The following WASHC4 variants were observed in gnomAD, a reference collection of about 807,000 sequenced individuals.
The protein encoded by WASHC4 is WASH complex subunit 4.
A neutral mutation model predicts 166.6 loss-of-function variants in WASHC4; 86 were observed. The ratio of observed to expected loss-of-function variants is 0.52; its 90% CI spans 0.43 to 0.62. WASHC4 has a LOEUF of 0.62. Ranked by LOEUF, WASHC4 falls within the 20% of genes least tolerant of loss-of-function variation. WASHC4 has a pLI of 0.00. For missense variants in WASHC4, 1,262 were observed against 1,382.4 expected (o/e 0.91, Z 1.38); for synonymous variants, 446 against 451.6 (o/e 0.99, Z 0.16).
At chr12:105,111,887 T>G (rs559485068) in intron 2 of WASHC4, among the ~76,000 whole-genome samples, 327 of 151,832 alleles carry the variant, frequency 2.2e-3, no homozygotes, top group Non-Finnish European at 2.0e-3. Context: ...ATAACAGCTT[T>G]CTTGAGATAT....
chr12:105,142,307 CTT>C, intron 18 of WASHC4, 144 bp from the exon 19 acceptor site: 1 of 624,472 alleles, frequency 1.6e-6, no homozygotes, highest in Admixed American at 2.5e-5. Flanking sequence ...TCTTTTGTGA[CTT>C]TTCTATACTA....
chr12:105,163,253 C>T (rs1056428312), intron 30 of WASHC4, among the ~76,000 whole-genome samples: 7 of 152,206 alleles, frequency 4.6e-5, no homozygotes, highest in South Asian at 2.1e-4. Context: ...CCACCATGCC[C>T]GGCCTATAGA....
chr12:105,167,052 AC>A lies in WASHC4; in HGVS notation c.*122del. On this transcript the variant is annotated 3_prime_UTR_variant, in exon 33 of 33. Transcript: ENST00000332180. ...GTCACATCTCTGGAAAATAGATGTT[AC>A]AGTTCTTAAAGGCAGTGCTTTAAAG... The A allele has an allele frequency of 1.4e-6, 1 of 740,486 alleles. No homozygotes were observed. The highest frequency in any genetic ancestry group is 2.4e-6 in the Non-Finnish European group (1 of 412,604). The allele number at this position is 740,486 out of a possible 1,614,324, so 45.9% of individuals were successfully genotyped here.
chr12:105,165,567 C>T (rs1262740700), intron 32 of WASHC4, among the ~76,000 whole-genome samples: 1 of 152,116 alleles, frequency 6.6e-6, no homozygotes, highest in Non-Finnish European at 1.5e-5. Flanking sequence ...ACTCGTGCTT[C>T]ATGAAGTTTT....
chr12:105,142,681 A>G (rs933915659), intron 19 of WASHC4, 123 bp downstream of exon 19: 46 of 649,054 alleles, frequency 7.1e-5, no homozygotes, highest in African/African-American at 5.6e-4. Context: ...TGTAAACTGC[A>G]TATTCATAAA....
chr12:105,121,515 T>C (rs1880739959), intron 9 of WASHC4, among the ~76,000 whole-genome samples: 1 of 152,118 alleles, frequency 6.6e-6, no homozygotes, highest in African/African-American at 2.4e-5. Flanking sequence ...TTTTTTCTTC[T>C]TTTTCTTTGT....
chr12:105,160,086 C>G lies in WASHC4; in HGVS notation c.2998C>G (p.Pro1000Ala). Residue 1000 changes from proline to alanine, a missense_variant, in exon 29 of 33, where the codon CCA becomes GCA. By Grantham distance (27) the Pro-to-Ala change is conservative. Transcript: ENST00000332180. ...CAAAATGCTTGTAGACGTTTTTGCT[C>G]CAGAATTTCGAAGGCCAAAGAATAT... is the stretch of plus-strand genomic sequence containing the variant. ...YFKMLVDVFAPEFRRPKNIHL... is the reference protein window; with the variant it reads ...YFKMLVDVFAAEFRRPKNIHL... 6.2e-7 allele frequency: 1 copy of G among 1,613,694 alleles called. No individual in the cohort carries two copies. The highest frequency in any genetic ancestry group is 1.1e-5 in the South Asian group (1 of 91,064).
chr12:105,138,954 C>G (rs977677251), intron 15 of WASHC4, among the ~76,000 whole-genome samples: 1 of 152,134 alleles, frequency 6.6e-6, no homozygotes, highest in Non-Finnish European at 1.5e-5. Flanking sequence ...TTCCTAATTG[C>G]ATCTCAACCT....
At chr12:105,109,295 T>C (rs1169120742) in intron 1 of WASHC4, among the ~76,000 whole-genome samples, 1 of 152,166 alleles carries the variant, frequency 6.6e-6, no homozygotes, top group African/African-American at 2.4e-5. Context: ...GGAATAGAGT[T>C]ATGTTAATTG....
rs557367456 is a variant in WASHC4 at position 105,148,567 on chromosome 12, G to A, written c.2515-1048G>A. 784 of 985,306 alleles carry A rather than the reference G, an allele frequency of 8.0e-4. 2 individuals are homozygous for A. Among genetic ancestry groups the A allele is most frequent in the South Asian group, 4.8e-3 (103 of 21,284 alleles). 61.0% of individuals were successfully genotyped at this position (985,306 alleles called of 1,614,324 possible). On this transcript the variant is annotated intron_variant, in intron 24 of 32. Transcript: ENST00000332180. ...GCAGAATAGTTACCCACTATTAAGAGTGGAAAGGATTAAAAACAAAAGACT... is the reference window on the plus strand; with the variant it reads ...GCAGAATAGTTACCCACTATTAAGAATGGAAAGGATTAAAAACAAAAGACT...
At chr12:105,112,377 A>T (rs544793508) in intron 2 of WASHC4, among the ~76,000 whole-genome samples, 1 of 152,328 alleles carries the variant, frequency 6.6e-6, no homozygotes, top group Non-Finnish European at 1.5e-5. Context: ...GTAGACATAT[A>T]TAAGTATATT....
At chr12:105,161,800 G>A (rs1000685406) in intron 29 of WASHC4, among the ~76,000 whole-genome samples, 3 of 152,136 alleles carry the variant, frequency 2.0e-5, no homozygotes, top group African/African-American at 7.2e-5. Context: ...ATAGTACTTA[G>A]CACACTGTAT....
At chr12:105,152,946 AAAGT>A (rs1441090156) in intron 26 of WASHC4, among the ~76,000 whole-genome samples, 1 of 152,186 alleles carries the variant, frequency 6.6e-6, no homozygotes, top group Non-Finnish European at 1.5e-5. Context: ...TTTATATTTA[AAAGT>A]AAGAACTACA....
At chr12:105,144,940 CTT>C in intron 22 of WASHC4, 68 bp downstream of exon 22, 1 of 1,460,964 alleles carries the variant, frequency 6.8e-7, no homozygotes. Flanking sequence ...TTAAGGAAGT[CTT>C]TTTTCTTTTT....
Position 105,139,425 on chromosome 12 carries a change from G to GTATATATATATATATATATATA in WASHC4, c.1453-857_1453-836dup, listed in dbSNP as rs71069791. ...AGACAGACTATATATATGTGTGTGT[G>GTATATATATATATATATATATA]TATATATATATATATATATATATAT... On this transcript the variant is annotated intron_variant, in intron 15 of 32. Transcript: ENST00000332180. Among the ~76,000 whole-genome samples, 91 of 103,192 alleles carry GTATATATATATATATATATATA rather than the reference G, an allele frequency of 8.8e-4. 4 individuals are homozygous for GTATATATATATATATATATATA. Among genetic ancestry groups the GTATATATATATATATATATATA allele is most frequent in the Non-Finnish European group, 1.0e-3 (52 of 50,710 alleles). 67.7% of individuals were successfully genotyped at this position (103,192 alleles called of 152,430 possible).
At chr12:105,136,398 T>A (rs1411967353) in intron 14 of WASHC4, among the ~76,000 whole-genome samples, 2 of 152,184 alleles carry the variant, frequency 1.3e-5, no homozygotes, top group African/African-American at 4.8e-5. Flanking sequence ...TGATGCCTTA[T>A]GAGGCATTTT....
At chr12:105,132,714 T>A (rs1321396871) in intron 13 of WASHC4, among the ~76,000 whole-genome samples, 2 of 152,132 alleles carry the variant, frequency 1.3e-5, no homozygotes, top group African/African-American at 4.8e-5. Flanking sequence ...AACTTCTCTG[T>A]GTAGCAGTTT....
chr12:105,152,640 C>A (rs1167586030), intron 26 of WASHC4, among the ~76,000 whole-genome samples, 189 bp downstream of exon 26: 2 of 152,110 alleles, frequency 1.3e-5, no homozygotes, highest in Non-Finnish European at 2.9e-5. Flanking sequence ...AATTGATAGA[C>A]TATAGGCTAA....
intron 28 of WASHC4, among the ~76,000 whole-genome samples, chr12:105,158,140 ATTTCT>A (rs1884289769): frequency 6.6e-6 from 1 of 152,210 alleles, no homozygotes; most frequent in Non-Finnish European, 1.5e-5. Context: ...AATGAAAGTC[ATTTCT>A]TTATGGAAGA....
Sources: allele counts gnomAD v4.1 joint callset (sites outside exome capture counted in the v4.1 genomes callset), GRCh38; gene constraint gnomAD v4.1.1; transcripts MANE v1.5; gene names NCBI Gene and HGNC (gene_info 2026-07-23, HGNC 2026-07-21).